SLC60A2: variants seen among roughly 807,000 people sequenced by gnomAD.
The protein encoded by SLC60A2 is major facilitator superfamily domain containing 4B.
the SLC60A2 span, among the ~76,000 whole-genome samples, chr6:111,260,001 C>G: frequency 4.0e-5 from 6 of 151,580 alleles, no homozygotes; most frequent in Non-Finnish European, 7.4e-5. Context: ...ACCTCTGCCC[C>G]CAGGGTTCAA....
chr6:111,267,172 C>G, the SLC60A2 span: 16 of 1,483,012 alleles, frequency 1.1e-5, no homozygotes, highest in East Asian at 3.4e-4. Flanking sequence ...TCTAAGGACG[C>G]CATTCAGAGC....
chr6:111,268,768 T>C, the SLC60A2 span: 1 of 152,176 alleles, frequency 6.6e-6, no homozygotes, highest in Admixed American at 6.5e-5. Flanking sequence ...TTTCCAGTGA[T>C]TGGAATACTT....
the SLC60A2 span, chr6:111,269,932 C>T: frequency 6.6e-5 from 10 of 152,260 alleles, no homozygotes; most frequent in African/African-American, 2.4e-4. Flanking sequence ...TGCTGGGTAA[C>T]ACAGTACCAC....
chr6:111,277,708 T>G, the SLC60A2 span, among the ~76,000 whole-genome samples: 2 of 152,226 alleles, frequency 1.3e-5, no homozygotes, highest in African/African-American at 4.8e-5. Context: ...AACTCTTGGT[T>G]CCTTGGTGTG....
chr6:111,266,844 C>T, the SLC60A2 span: 2 of 1,613,936 alleles, frequency 1.2e-6, no homozygotes, highest in East Asian at 2.2e-5. Flanking sequence ...CCAGAAAGCT[C>T]TGCTCTCTAG....
the SLC60A2 span, among the ~76,000 whole-genome samples, chr6:111,264,488 CT>C: frequency 6.6e-6 from 1 of 152,090 alleles, no homozygotes; most frequent in Non-Finnish European, 1.5e-5. Flanking sequence ...ATCATCATGT[CT>C]TTTAAAACTT....
the SLC60A2 span, among the ~76,000 whole-genome samples, chr6:111,274,081 C>G: frequency 6.6e-6 from 1 of 152,104 alleles, no homozygotes; most frequent in Non-Finnish European, 1.5e-5. Flanking sequence ...GTCTCAAACT[C>G]CTGGGCTCAA....
the SLC60A2 span, among the ~76,000 whole-genome samples, chr6:111,263,120 T>C: frequency 3.3e-5 from 5 of 152,152 alleles, no homozygotes; most frequent in Non-Finnish European, 5.9e-5. Flanking sequence ...GTGTTTTTAG[T>C]AGAGCCGGGG....
the SLC60A2 span, chr6:111,267,053 T>G: frequency 6.2e-7 from 1 of 1,614,140 alleles, no homozygotes; most frequent in Admixed American, 1.7e-5. Flanking sequence ...AGTCTTCTCC[T>G]TTTAATACTG....
At chr6:111,262,758 G>A in the SLC60A2 span, among the ~76,000 whole-genome samples, 212 of 152,226 alleles carry the variant, frequency 1.4e-3, 1 homozygote, top group African/African-American at 4.9e-3. Context: ...ATTTCCTGGG[G>A]TCACCACAGA....
At chr6:111,279,688 GC>G in the SLC60A2 span, among the ~76,000 whole-genome samples, 1 of 152,196 alleles carries the variant, frequency 6.6e-6, no homozygotes, top group Non-Finnish European at 1.5e-5. Context: ...TTTGGAGGTT[GC>G]CCTTCTAGGC....
At chr6:111,262,154 A>C in the SLC60A2 span, 2 of 891,500 alleles carry the variant, frequency 2.2e-6, no homozygotes. Context: ...TGTAAATCCC[A>C]GACCCTCCGC....
the SLC60A2 span, chr6:111,268,734 G>GTAATTTACAGTGAGGCATAGTC: frequency 1.6e-4 from 24 of 152,312 alleles, no homozygotes; most frequent in Middle Eastern, 3.4e-3. Flanking sequence ...CGCTGCAAGT[G>GTAATTTACAGTGAGGCATAGTC]TAATTTACAG....
the SLC60A2 span, among the ~76,000 whole-genome samples, chr6:111,278,944 A>T: frequency 6.6e-6 from 1 of 152,190 alleles, no homozygotes; most frequent in African/African-American, 2.4e-5. Flanking sequence ...CAAGTGATTA[A>T]CCTTTGCTCC....
the SLC60A2 span, among the ~76,000 whole-genome samples, chr6:111,275,086 C>CTTT: frequency 1.4e-5 from 2 of 139,600 alleles, no homozygotes; most frequent in South Asian, 2.3e-4. Context: ...CCTTACCTGG[C>CTTT]TTTTTTTTTT....
the SLC60A2 span, chr6:111,259,523 C>A: frequency 1.8e-6 from 1 of 553,548 alleles, no homozygotes; most frequent in Non-Finnish European, 3.1e-6. Context: ...AAGACGACTT[C>A]TCCGGAGCCG....
chr6:111,263,599 G>C, the SLC60A2 span, among the ~76,000 whole-genome samples: 8 of 152,030 alleles, frequency 5.3e-5, no homozygotes, highest in Admixed American at 6.5e-5. Flanking sequence ...TTTACAGTTT[G>C]ATTACTAGCA....
At chr6:111,271,775 TAAAAAAAAAAAAAA>T in the SLC60A2 span, among the ~76,000 whole-genome samples, 7 of 18,836 alleles carry the variant, frequency 3.7e-4, no homozygotes, top group Non-Finnish European at 3.8e-4. Context: ...CCATCTCTAC[TAAAAAAAAAAAAAA>T]AAAAAAAAAA....
chr6:111,265,300 T>G, the SLC60A2 span: 10 of 984,028 alleles, frequency 1.0e-5, no homozygotes, highest in Non-Finnish European at 1.2e-5. Context: ...ATGTGCTGCT[T>G]CTTGCCTTTC....
Sources: gnomAD v4.1 joint callset for allele counts (sites outside exome capture counted in the v4.1 genomes callset) on GRCh38, gnomAD v4.1.1 for gene constraint, MANE v1.5 for transcripts, NCBI Gene and HGNC (gene_info 2026-07-23, HGNC 2026-07-21) for gene names.